Variants in BSPH1 observed in about 807,000 individuals in gnomAD.
The protein encoded by BSPH1 is binder of sperm 1.
Under a neutral mutation model 22.5 loss-of-function variants are expected in BSPH1, and 21 were observed. That is an observed-to-expected ratio of 0.93 (90% CI 0.66 to 1.35). The LOEUF is 1.35. Among genes scored for constraint, BSPH1 ranks in the 40% most tolerant of loss-of-function variants. The pLI is 0.00. For synonymous variants in BSPH1, 42 were observed against 53.6 expected (o/e 0.78, Z 0.95); for missense variants, 141 against 154.2 (o/e 0.91, Z 0.45).
chr19:47,979,590 G>T lies in BSPH1; in HGVS notation c.104C>A (p.Thr35Asn), dbSNP rs1482130929. ...NELSSTVETI[T>N]HFPEVTDGEC... The stretch of plus-strand genomic sequence containing the variant: ...CTTACCTGTAACTTCTGGAAAATGA[G>T]TTATAGTTTCTGAAAAATAAAATTT... Residue 35 changes from threonine (T) to asparagine (N), a missense_variant, in exon 3 of 6, where the codon ACT becomes AAT. By Grantham distance (65) the Thr-to-Asn change is moderately conservative (BLOSUM62 0). Coordinates refer to ENST00000344839, the MANE Select transcript of BSPH1 (RefSeq NM_001128326.2). 2 of 1,335,346 alleles carry T rather than the reference G, an allele frequency of 1.5e-6. No homozygotes were observed. The highest frequency in any genetic ancestry group is 2.7e-5 in the East Asian group (1 of 36,492). The allele number at this position is 1,335,346 out of a possible 1,614,324, so 82.7% of individuals were successfully genotyped here.
chr19:47,977,566 C>A, intron 3 of BSPH1, 62 bp from the exon 4 acceptor site: 4 of 1,533,714 alleles, frequency 2.6e-6, no homozygotes, highest in African/African-American at 1.4e-5. Flanking sequence ...TATCAAGCGA[C>A]TGTCTTCCTA....
chr19:47,969,840 T>C (rs942798294), intron 5 of BSPH1, among the ~76,000 whole-genome samples: 1 of 151,662 alleles, frequency 6.6e-6, no homozygotes, highest in Non-Finnish European at 1.5e-5. Context: ...GACTTTAGAA[T>C]TTATGTTTGT....
chr19:47,985,202 C>T (rs889255068), intron 1 of BSPH1, among the ~76,000 whole-genome samples: 1 of 152,014 alleles, frequency 6.6e-6, no homozygotes. Flanking sequence ...TGCACATGTA[C>T]CTCCTGCATC....
In BSPH1 at chr19:47,979,589, A is replaced by T; in HGVS notation, c.105T>A (p.Thr35=). 1 of 1,338,912 alleles carries T rather than the reference A, an allele frequency of 7.5e-7. No homozygotes were observed. The highest frequency in any genetic ancestry group is 1.0e-6 in the Non-Finnish European group (1 of 987,926). 82.9% of individuals were successfully genotyped at this position (1,338,912 alleles called of 1,614,324 possible). ...NELSSTVETI[T]HFPEVTDGEC... ...ACTTACCTGTAACTTCTGGAAAATG[A>T]GTTATAGTTTCTGAAAAATAAAATT... is the stretch of plus-strand genomic sequence containing the variant. Residue 35 remains threonine (T), a synonymous_variant, in exon 3 of 6, where the codon ACT becomes ACA. Transcript: ENST00000344839.
intron 5 of BSPH1, among the ~76,000 whole-genome samples, chr19:47,972,328 T>A (rs1442758120): frequency 6.6e-6 from 1 of 151,284 alleles, no homozygotes; most frequent in Non-Finnish European, 1.5e-5. Flanking sequence ...CATGTGCAGG[T>A]TTATTATACA....
At chr19:47,969,597 T>A (rs148633806) in intron 5 of BSPH1, among the ~76,000 whole-genome samples, 367 of 150,602 alleles carry the variant, frequency 2.4e-3, no homozygotes, top group Non-Finnish European at 4.5e-3. Context: ...GAAAGGGTAT[T>A]AACTAGAAGG....
At chr19:47,983,034 A>T (rs1262712821) in intron 1 of BSPH1, among the ~76,000 whole-genome samples, 3 of 152,204 alleles carry the variant, frequency 2.0e-5, no homozygotes, top group African/African-American at 7.2e-5. Flanking sequence ...GATAGATTGC[A>T]CAATTTGAAT....
chr19:47,976,955 G>A, intron 4 of BSPH1, 101 bp from the exon 5 acceptor site: 1 of 1,150,730 alleles, frequency 8.7e-7, no homozygotes. Context: ...GCACACATGT[G>A]CATGCACGTG....
chr19:47,981,026 G>T (rs941729443), intron 1 of BSPH1, 85 bp from the exon 2 acceptor site: 7 of 711,846 alleles, frequency 9.8e-6, no homozygotes, highest in Non-Finnish European at 1.6e-5. Context: ...ATTCTAGTAA[G>T]AATAATACTA....
intron 1 of BSPH1, chr19:47,981,751 G>A: frequency 1.0e-6 from 1 of 972,906 alleles, no homozygotes; most frequent in Non-Finnish European, 1.2e-6. Context: ...TTGGAATGAA[G>A]GAAACTGCCT....
intron 5 of BSPH1, among the ~76,000 whole-genome samples, chr19:47,975,649 ATTTTTTTT>A (rs199878812): frequency 0.027 from 3,417 of 124,898 alleles, 93 homozygotes; most frequent in East Asian, 0.16. Flanking sequence ...AAGGTAATGC[ATTTTTTTT>A]TTTTTTTTTT....
intron 5 of BSPH1, among the ~76,000 whole-genome samples, chr19:47,975,498 C>T (rs1315691240): frequency 6.6e-6 from 1 of 152,190 alleles, no homozygotes; most frequent in African/African-American, 2.4e-5. Flanking sequence ...ACAGCGCACC[C>T]ATCTTTGTTG....
At chr19:47,975,686 C>G (rs1969355383) in intron 5 of BSPH1, among the ~76,000 whole-genome samples, 1 of 140,984 alleles carries the variant, frequency 7.1e-6, no homozygotes, top group South Asian at 2.2e-4. Context: ...GACGGAGTCT[C>G]GCTCTGACAC....
chr19:47,988,791 C>A (rs959986470), intron 1 of BSPH1, among the ~76,000 whole-genome samples: 1 of 152,056 alleles, frequency 6.6e-6, no homozygotes, highest in Non-Finnish European at 1.5e-5. Flanking sequence ...GACCCCACTC[C>A]CATGTAATCC....
At chr19:47,990,238 A>G (rs2122270056) in intron 1 of BSPH1, among the ~76,000 whole-genome samples, 1 of 152,192 alleles carries the variant, frequency 6.6e-6, no homozygotes, top group East Asian at 1.9e-4. Flanking sequence ...CTAGCACCAC[A>G]TCATTTAAAA....
intron 1 of BSPH1, among the ~76,000 whole-genome samples, chr19:47,990,907 GAC>G (rs1329117404): frequency 6.6e-6 from 1 of 152,192 alleles, no homozygotes; most frequent in African/African-American, 2.4e-5. Flanking sequence ...GAAGGGAGGA[GAC>G]ACATGGTTTT....
chr19:47,986,299 A>C (rs1489833396), intron 1 of BSPH1, among the ~76,000 whole-genome samples: 1 of 152,238 alleles, frequency 6.6e-6, no homozygotes, highest in African/African-American at 2.4e-5. Flanking sequence ...AGAGAATGTC[A>C]GAAGGCCTGG....
chr19:47,974,227 C>G (rs1315288334), intron 5 of BSPH1, among the ~76,000 whole-genome samples: 2 of 150,792 alleles, frequency 1.3e-5, no homozygotes, highest in Non-Finnish European at 2.9e-5. Context: ...CCCTTGGCTC[C>G]CATGGATTGG....
At chr19:47,973,218 AAAT>A (rs60548503) in intron 5 of BSPH1, among the ~76,000 whole-genome samples, 21,392 of 131,814 alleles carry the variant, frequency 0.16, 1,735 homozygotes, top group African/African-American at 0.23. Context: ...CTCCGTCTCA[AAAT>A]AATAATAATA....
Sources: gnomAD v4.1 joint callset for allele counts (sites outside exome capture counted in the v4.1 genomes callset) on GRCh38, gnomAD v4.1.1 for gene constraint, MANE v1.5 for transcripts, NCBI Gene and HGNC (gene_info 2026-07-23, HGNC 2026-07-21) for gene names.